The following SPECC1 variants were observed in gnomAD, a reference collection of about 807,000 sequenced individuals.
The protein encoded by SPECC1 is sperm antigen with calponin homology and coiled-coil domains 1, also known as cytospin-B.
In SPECC1, 62 loss-of-function variants were observed where a neutral mutation model predicts 104.1. That is an observed-to-expected ratio of 0.60 (90% CI 0.49 to 0.74). The LOEUF is 0.74. SPECC1 is among the 30% of genes least tolerant of loss of function. The pLI, the probability that SPECC1 is intolerant of heterozygous loss-of-function variation, is 0.00. For missense variants in SPECC1, 1,306 were observed against 1,310.5 expected (o/e 1.00, Z 0.05); for synonymous variants, 513 against 501.6 (o/e 1.02, Z -0.30).
chr17:20,274,240 T>C (rs2040501558), intron 12 of SPECC1, among the ~76,000 whole-genome samples: 1 of 152,182 alleles, frequency 6.6e-6, no homozygotes. Flanking sequence ...AACTGAGTGG[T>C]GTCTGGACTT....
chr17:20,178,817 C>G (rs1333331871), intron 3 of SPECC1, among the ~76,000 whole-genome samples: 7 of 152,172 alleles, frequency 4.6e-5, no homozygotes, highest in Non-Finnish European at 1.0e-4. Flanking sequence ...CCCATCTGAG[C>G]TGAATAAAAT....
chr17:20,048,004 A>G (rs1567811587), intron 1 of SPECC1, among the ~76,000 whole-genome samples: 1 of 152,018 alleles, frequency 6.6e-6, no homozygotes, highest in African/African-American at 2.4e-5. Flanking sequence ...GCTTTTCTCC[A>G]TTGGTGTCCT....
At chr17:20,140,302 A>G (rs969781739) in intron 3 of SPECC1, among the ~76,000 whole-genome samples, 4 of 152,122 alleles carry the variant, frequency 2.6e-5, no homozygotes, top group Admixed American at 1.3e-4. Context: ...TTCCATTCTT[A>G]TATCTCCTAT....
At chr17:20,080,113 C>T (rs17759417) in intron 1 of SPECC1, among the ~76,000 whole-genome samples, 1,588 of 152,124 alleles carry the variant, frequency 0.01, 17 homozygotes, top group Non-Finnish European at 0.012. Flanking sequence ...AGGACTTAAC[C>T]GCAAGTGAGA....
chr17:20,252,004 A>G (rs2039650447), intron 9 of SPECC1, among the ~76,000 whole-genome samples: 1 of 152,196 alleles, frequency 6.6e-6, no homozygotes, highest in Non-Finnish European at 1.5e-5. Flanking sequence ...TGGGTATAGA[A>G]TGACTTCTAA....
intron 9 of SPECC1, 135 bp downstream of exon 9, chr17:20,247,454 T>C (rs2039467634): frequency 3.6e-6 from 2 of 548,930 alleles, no homozygotes; most frequent in South Asian, 6.7e-5. Context: ...GATTGCACTA[T>C]GCATTATTCC....
chr17:20,270,560 C>T (rs1329972256), intron 12 of SPECC1, among the ~76,000 whole-genome samples: 1 of 149,738 alleles, frequency 6.7e-6, no homozygotes. Context: ...TCAAGGCCTC[C>T]GTGAGCTATG....
intron 1 of SPECC1, among the ~76,000 whole-genome samples, chr17:20,071,107 C>G (rs2152481564): frequency 6.6e-6 from 1 of 152,188 alleles, no homozygotes; most frequent in South Asian, 2.1e-4. Flanking sequence ...TCATAGTGCG[C>G]TACAGCCTTG....
At chr17:20,030,079 T>C (rs1410331396) in intron 1 of SPECC1, among the ~76,000 whole-genome samples, 9 of 152,204 alleles carry the variant, frequency 5.9e-5, no homozygotes, top group Non-Finnish European at 1.0e-4. Flanking sequence ...TGCAGGTGTT[T>C]AGCCTCCAGA....
intron 7 of SPECC1, among the ~76,000 whole-genome samples, chr17:20,233,042 C>T (rs1028065071): frequency 6.6e-6 from 1 of 152,088 alleles, no homozygotes; most frequent in African/African-American, 2.4e-5. Context: ...GAAGGTATTC[C>T]CAAAGTGAAT....
chr17:20,110,476 C>T lies in SPECC1; in HGVS notation c.197C>T (p.Ala66Val). ...ACGCTCAACAAGCCAGGAAGTACCG[C>T]TGCATCGGGGGTGGTTCGCCTGAAG... The part of the protein sequence containing the change: ...EDTLNKPGST[A>V]ASGVVRLKKT... The change falls in exon 3 of 15, where the codon GCT becomes GTT. Residue 66 changes from alanine (A) to valine (V), a missense_variant. Around this residue, in one of 2 missense-constraint regions of SPECC1, gnomAD observed 1,177 missense variants for 1,139.9 expected, o/e 1.03. Transcript: ENST00000395527. 1 of 1,614,074 alleles carries T rather than the reference C, an allele frequency of 6.2e-7. No homozygotes were observed. The highest frequency in any genetic ancestry group is 8.5e-7 in the Non-Finnish European group (1 of 1,180,002).
intron 1 of SPECC1, among the ~76,000 whole-genome samples, chr17:20,068,433 G>A (rs2046435632): frequency 6.6e-6 from 1 of 152,154 alleles, no homozygotes; most frequent in Non-Finnish European, 1.5e-5. Flanking sequence ...TGTGATTAGT[G>A]CTATTGTGAA....
At chr17:20,236,759 G>T (rs1306865725) in intron 7 of SPECC1, 2 of 1,474,638 alleles carry the variant, frequency 1.4e-6, no homozygotes, top group Non-Finnish European at 9.4e-7. Context: ...GCTTTTCCCT[G>T]TGGGACAGTG....
At chr17:20,271,653 T>C (rs1312082469) in intron 12 of SPECC1, among the ~76,000 whole-genome samples, 1 of 152,210 alleles carries the variant, frequency 6.6e-6, no homozygotes, top group Non-Finnish European at 1.5e-5. Context: ...GCCTCTGACC[T>C]CTTCCATCAT....
chr17:20,085,795 G>A (rs1047246149), intron 1 of SPECC1, among the ~76,000 whole-genome samples: 2 of 115,376 alleles, frequency 1.7e-5, no homozygotes, highest in Non-Finnish European at 1.9e-5. Context: ...GAGCAATGGC[G>A]GACTCCCGCT....
intron 1 of SPECC1, among the ~76,000 whole-genome samples, chr17:20,082,994 G>GTTCGTTCGTTCA (rs1381662281): frequency 1.6e-5 from 2 of 121,932 alleles, no homozygotes; most frequent in Admixed American, 8.8e-5. Context: ...TCGTTCGTTC[G>GTTCGTTCGTTCA]TTCGTTCGTT....
chr17:20,102,231 AAAGT>A (rs1420852543), intron 2 of SPECC1, among the ~76,000 whole-genome samples: 1 of 152,248 alleles, frequency 6.6e-6, no homozygotes, highest in Non-Finnish European at 1.5e-5. Flanking sequence ...AAGCAGTGAC[AAAGT>A]AAGAGTAGCT....
chr17:20,100,740 T>C (rs1380493222), intron 2 of SPECC1, among the ~76,000 whole-genome samples: 1 of 152,236 alleles, frequency 6.6e-6, no homozygotes, highest in African/African-American at 2.4e-5. Flanking sequence ...GGTGCTTTGC[T>C]GTGCCTATCA....
intron 1 of SPECC1, among the ~76,000 whole-genome samples, chr17:20,034,280 G>A (rs1390766409): frequency 6.7e-6 from 1 of 148,608 alleles, no homozygotes; most frequent in Non-Finnish European, 1.5e-5. Context: ...TATATTTTTG[G>A]TAGAGACGGG....
Sources: gnomAD v4.1 joint callset for allele counts (sites outside exome capture counted in the v4.1 genomes callset) on GRCh38, gnomAD v4.1.1 for gene constraint, gnomAD v4.1.1 regional missense constraint, MANE v1.5 for transcripts, NCBI Gene and HGNC (gene_info 2026-07-23, HGNC 2026-07-21) for gene names.